Variants in SAMD4A observed in about 807,000 individuals in gnomAD.
The protein encoded by SAMD4A is sterile alpha motif domain containing 4A.
SAMD4A carries 33 observed loss-of-function variants against 81.3 expected under a neutral mutation model. The observed-to-expected ratio is 0.41, with a 90% CI of 0.31 to 0.54. SAMD4A has a LOEUF of 0.54. Among genes scored for constraint, SAMD4A ranks in the 20% least tolerant of loss-of-function variants. The pLI is 0.37. For synonymous variants in SAMD4A, 389 were observed against 382.1 expected (o/e 1.02, Z -0.21); for missense variants, 854 against 951.1 (o/e 0.90, Z 1.34).
intron 3 of SAMD4A, among the ~76,000 whole-genome samples, chr14:54,734,598 A>C (rs1434146099): frequency 6.6e-6 from 1 of 152,224 alleles, no homozygotes; most frequent in Admixed American, 6.5e-5. Flanking sequence ...TAAGTCCATT[A>C]AGTTAGGTAA....
intron 3 of SAMD4A, among the ~76,000 whole-genome samples, chr14:54,705,502 A>G (rs2036829831): frequency 6.6e-6 from 1 of 152,224 alleles, no homozygotes; most frequent in African/African-American, 2.4e-5. Context: ...AGTACTACAC[A>G]TTTTCAAATT....
chr14:54,680,429 T>C (rs2036100568), intron 2 of SAMD4A, among the ~76,000 whole-genome samples: 1 of 152,238 alleles, frequency 6.6e-6, no homozygotes, highest in African/African-American at 2.4e-5. Flanking sequence ...TTCTGGACTG[T>C]GAGTAGATGA....
Position 54,751,524 on chromosome 14 carries a change from A to C in SAMD4A, c.1163A>C (p.Lys388Thr), listed in dbSNP as rs1014344350. 2 of 1,601,516 alleles carry C rather than the reference A, an allele frequency of 1.2e-6. No homozygotes were observed. Among genetic ancestry groups the C allele is most frequent in the Admixed American group, 1.7e-5 (1 of 59,436 alleles). Residue 388 changes from lysine (K) to threonine (T), a missense_variant, in exon 6 of 13, where the codon AAG becomes ACG. This residue lies in a region of SAMD4A where 428 missense variants were observed against 471.2 expected (regional missense o/e 0.91). Transcript: ENST00000554335. ...CTCAAAGAAAGACAAAATCTCCTGA[A>C]GTCTTTGGAAAGGGTAAGTTATCGG... The part of the protein sequence containing the change: ...QKLKERQNLL[K>T]SLERDIIEGG...
chr14:54,626,911 A>T (rs1256937739), intron 2 of SAMD4A, among the ~76,000 whole-genome samples: 1 of 152,222 alleles, frequency 6.6e-6, no homozygotes, highest in Non-Finnish European at 1.5e-5. Context: ...GGGAAGTTAA[A>T]TAGTTTGTCC....
At chr14:54,606,210 T>TGTGTGTGTGTGC (rs1039478105) in intron 2 of SAMD4A, among the ~76,000 whole-genome samples, 6 of 150,444 alleles carry the variant, frequency 4.0e-5, no homozygotes, top group African/African-American at 1.5e-4. Flanking sequence ...TGTGTGTGTG[T>TGTGTGTGTGTGC]GTGCGTGCAC....
At chr14:54,678,449 G>A (rs1295472409) in intron 2 of SAMD4A, among the ~76,000 whole-genome samples, 1 of 37,228 alleles carries the variant, frequency 2.7e-5, no homozygotes, top group Non-Finnish European at 6.3e-5. Context: ...GTGTGTGTGT[G>A]TGTGTGTGTG....
At chr14:54,706,613 A>AG (rs1247222950) in intron 3 of SAMD4A, among the ~76,000 whole-genome samples, 1 of 142,528 alleles carries the variant, frequency 7.0e-6, no homozygotes, top group African/African-American at 2.5e-5. Flanking sequence ...TCAAAAAAAA[A>AG]AAAGAAAGAA....
intron 6 of SAMD4A, among the ~76,000 whole-genome samples, chr14:54,753,732 TAGAC>T (rs1463251899): frequency 6.6e-5 from 10 of 151,860 alleles, no homozygotes; most frequent in Middle Eastern, 3.2e-3. Flanking sequence ...TCTGGCCAGA[TAGAC>T]AGAGGCTTCT....
chr14:54,774,835 AT>A lies in SAMD4A; in HGVS notation c.1716-98del, dbSNP rs1265920220. The stretch of plus-strand genomic sequence containing the variant: ...ACTCAAAAAAAAAAAAAAAAAAAAA[AT>A]GAGGAGACCTCCAAGGCGACATCCC... On this transcript the variant is annotated intron_variant, in intron 9 of 12. Transcript: ENST00000554335. 1.7e-4 allele frequency: 158 copies of A among 937,284 alleles called. No homozygotes were observed. The African/African-American group carries it at 2.1e-3, about 13-fold the overall frequency. 58.1% of individuals were successfully genotyped at this position (937,284 alleles called of 1,614,324 possible).
At chr14:54,602,963 C>T (rs2034100072) in intron 2 of SAMD4A, among the ~76,000 whole-genome samples, 1 of 152,206 alleles carries the variant, frequency 6.6e-6, no homozygotes, top group Non-Finnish European at 1.5e-5. Flanking sequence ...TGCAGACCTA[C>T]TGAATCCCAG....
intron 2 of SAMD4A, among the ~76,000 whole-genome samples, chr14:54,650,823 C>T (rs989331546): frequency 6.6e-6 from 1 of 152,174 alleles, no homozygotes; most frequent in Non-Finnish European, 1.5e-5. Context: ...GGAACAGAGG[C>T]GTGCCCCACG....
chr14:54,625,229 C>T (rs531667840), intron 2 of SAMD4A, among the ~76,000 whole-genome samples: 14 of 152,216 alleles, frequency 9.2e-5, no homozygotes, highest in Non-Finnish European at 1.8e-4. Context: ...TTTCTGTAGA[C>T]TTCACTCCAG....
chr14:54,741,489 A>G (rs1421378761), intron 4 of SAMD4A, among the ~76,000 whole-genome samples: 1 of 152,228 alleles, frequency 6.6e-6, no homozygotes, highest in Non-Finnish European at 1.5e-5. Flanking sequence ...TCCTCATTCA[A>G]GTCAGTTGAC....
intron 6 of SAMD4A, among the ~76,000 whole-genome samples, chr14:54,758,293 G>A (rs2038299065): frequency 6.6e-6 from 1 of 152,194 alleles, no homozygotes. Context: ...GCCAATGACA[G>A]GGTGTGGCTG....
At chr14:54,701,158 A>G (rs2036707183) in intron 2 of SAMD4A, 1 of 151,814 alleles carries the variant, frequency 6.6e-6, no homozygotes, top group Non-Finnish European at 1.5e-5. Context: ...ACCATCACAC[A>G]TGGCTATTTC....
intron 6 of SAMD4A, 116 bp from the exon 7 acceptor site, chr14:54,760,045 T>C: frequency 9.6e-7 from 1 of 1,040,308 alleles, no homozygotes; most frequent in Non-Finnish European, 1.4e-6. Flanking sequence ...AACGTCCTGA[T>C]GAGGGTACCA....
rs192706977 is a variant in SAMD4A, at chr14:54,702,583, A to G, written c.715+3A>G. On this transcript the variant is annotated splice_donor_region_variant and intron_variant, in intron 3 of 12. Transcript: ENST00000554335. ...GATTGGAACCAGCACAAGTACAAGT[A>G]AGTTCCCCGGAATCCCTTTAACGTA... 2.5e-6 allele frequency: 4 copies of G among 1,613,434 alleles called. No homozygotes were observed. The highest frequency in any genetic ancestry group is 8.5e-7 in the Non-Finnish European group (1 of 1,179,554).
chr14:54,723,117 C>A (rs976130695), intron 3 of SAMD4A, among the ~76,000 whole-genome samples: 2 of 150,056 alleles, frequency 1.3e-5, no homozygotes, highest in African/African-American at 4.9e-5. Context: ...AAAAAAAAAC[C>A]CATCTAGGTG....
At chr14:54,761,508 AG>A (rs1260186107) in intron 7 of SAMD4A, among the ~76,000 whole-genome samples, 1 of 152,178 alleles carries the variant, frequency 6.6e-6, no homozygotes, top group Non-Finnish European at 1.5e-5. Flanking sequence ...AGTTCTCAAA[AG>A]TTTGCATATT....
Sources: allele counts gnomAD v4.1 joint callset (sites outside exome capture counted in the v4.1 genomes callset), GRCh38; gene constraint gnomAD v4.1.1; regional missense constraint gnomAD v4.1.1; transcripts MANE v1.5; gene names NCBI Gene and HGNC (gene_info 2026-07-23, HGNC 2026-07-21).